FAM13A: variants seen among roughly 807,000 people sequenced by gnomAD.
The protein encoded by FAM13A is protein FAM13A.
In FAM13A, 76 loss-of-function variants were observed where a neutral mutation model predicts 129.6. The observed-to-expected ratio is 0.59, with a 90% CI of 0.49 to 0.71. FAM13A has a LOEUF of 0.71. FAM13A is among the 30% of genes least tolerant of loss of function. The probability of loss-of-function intolerance (pLI) is 0.00; values close to 1 mark genes in which losing one functional copy is unlikely to be tolerated. For synonymous variants in FAM13A, 443 were observed against 449.9 expected (o/e 0.98, Z 0.20); for missense variants, 1,108 against 1,249.3 (o/e 0.89, Z 1.70).
intron 8 of FAM13A, among the ~76,000 whole-genome samples, chr4:88,795,049 A>T (rs1725888921): frequency 6.6e-6 from 1 of 151,576 alleles, no homozygotes; most frequent in South Asian, 2.1e-4. Context: ...TTTTGTTTTA[A>T]CCTCTAGCTA....
intron 6 of FAM13A, among the ~76,000 whole-genome samples, chr4:88,859,462 G>A (rs1739116299): frequency 1.3e-5 from 2 of 152,154 alleles, no homozygotes; most frequent in Non-Finnish European, 2.9e-5. Context: ...GGTGGTGGAG[G>A]GATATGAGTG....
chr4:88,857,908 A>G (rs1738825708), intron 6 of FAM13A, among the ~76,000 whole-genome samples: 1 of 152,190 alleles, frequency 6.6e-6, no homozygotes, highest in Admixed American at 6.5e-5. Context: ...AAATAATAGC[A>G]TCTACTTTCT....
intron 1 of FAM13A, among the ~76,000 whole-genome samples, chr4:89,037,271 C>A (rs927188855): frequency 7.9e-5 from 12 of 152,224 alleles, no homozygotes; most frequent in Admixed American, 7.9e-4. Flanking sequence ...CCACACCTTG[C>A]ATCAGGGTGG....
chr4:89,010,731 A>T (rs1418240324), intron 3 of FAM13A, among the ~76,000 whole-genome samples: 2 of 152,118 alleles, frequency 1.3e-5, no homozygotes, highest in Non-Finnish European at 2.9e-5. Flanking sequence ...CTCTGCCATC[A>T]TGTGGTTCTG....
intron 4 of FAM13A, chr4:88,990,261 G>A (rs1762769406): frequency 1.3e-5 from 2 of 152,066 alleles, no homozygotes. Context: ...TAATGAAGTG[G>A]AGAAGTAGAT....
chr4:88,939,679 C>T (rs7682317), intron 4 of FAM13A, among the ~76,000 whole-genome samples: 67,906 of 151,944 alleles, frequency 0.45, 15,448 homozygotes, highest in African/African-American at 0.54. Context: ...GATAGGATGT[C>T]GCTCCCATGA....
intron 3 of FAM13A, among the ~76,000 whole-genome samples, chr4:88,995,982 C>T: frequency 6.6e-6 from 1 of 152,152 alleles, no homozygotes; most frequent in East Asian, 1.9e-4. Context: ...TTATTTCACT[C>T]AATATGGTCA....
At chr4:88,852,207 G>C (rs1463322274) in intron 6 of FAM13A, among the ~76,000 whole-genome samples, 1 of 149,604 alleles carries the variant, frequency 6.7e-6, no homozygotes, top group Non-Finnish European at 1.5e-5. Flanking sequence ...CACCCAGGCT[G>C]CTGTAGTGCA....
chr4:88,915,008 A>G (rs1322487230), intron 5 of FAM13A, among the ~76,000 whole-genome samples: 1 of 152,178 alleles, frequency 6.6e-6, no homozygotes, highest in African/African-American at 2.4e-5. Context: ...CAAACTCACA[A>G]CAGTTGATTT....
intron 23 of FAM13A, chr4:88,729,069 T>TGA (rs56678684): frequency 6.8e-6 from 1 of 146,002 alleles, no homozygotes; most frequent in African/African-American, 2.6e-5. Flanking sequence ...GTTTTTTTTT[T>TGA]TTTTTTTTTT....
chr4:88,973,493 T>C (rs1760434018), intron 4 of FAM13A, among the ~76,000 whole-genome samples: 2 of 152,208 alleles, frequency 1.3e-5, no homozygotes, highest in South Asian at 2.1e-4. Flanking sequence ...TTTCTAGCAT[T>C]GCTTTTGGTT....
chr4:88,754,505 T>C (rs1374691127), intron 14 of FAM13A, among the ~76,000 whole-genome samples: 3 of 152,182 alleles, frequency 2.0e-5, no homozygotes, highest in Non-Finnish European at 4.4e-5. Context: ...GGCCGATGTT[T>C]TCCACATTCC....
At chr4:88,830,692 C>T (rs1733753022) in intron 7 of FAM13A, among the ~76,000 whole-genome samples, 2 of 152,110 alleles carry the variant, frequency 1.3e-5, no homozygotes, top group Admixed American at 1.3e-4. Flanking sequence ...GCTTGCTGGA[C>T]TCCCAAATGG....
rs1230518991 is a variant in FAM13A, at chr4:89,056,997, G to A, written c.-33C>T. 1.9e-6 allele frequency: 3 copies of A among 1,608,116 alleles called. No individual in the cohort carries two copies. Among genetic ancestry groups the A allele is most frequent in the Admixed American group, 1.7e-5 (1 of 59,186 alleles). ...GAAAGCGTCTGGAAGAACTGAGGAAGACCAGACGAAAATATTAAAACGACA... is the reference window on the plus strand; with the variant it reads ...GAAAGCGTCTGGAAGAACTGAGGAAAACCAGACGAAAATATTAAAACGACA... On this transcript the variant is annotated 5_prime_UTR_variant, in exon 1 of 24. Transcript: ENST00000264344.
At chr4:88,908,508 A>C (rs1369906687) in intron 5 of FAM13A, among the ~76,000 whole-genome samples, 1 of 152,178 alleles carries the variant, frequency 6.6e-6, no homozygotes, top group Non-Finnish European at 1.5e-5. Context: ...TCCTTATGCA[A>C]AAAACAGAAG....
intron 5 of FAM13A, among the ~76,000 whole-genome samples, chr4:88,910,884 G>A (rs1164204000): frequency 2.6e-5 from 4 of 152,130 alleles, no homozygotes; most frequent in Non-Finnish European, 2.9e-5. Context: ...TCTTGACCTC[G>A]TGATCTGCCC....
chr4:88,820,755 T>C (rs561386548), intron 7 of FAM13A, among the ~76,000 whole-genome samples: 1 of 152,240 alleles, frequency 6.6e-6, no homozygotes, highest in African/African-American at 2.4e-5. Flanking sequence ...TTGGATGCAG[T>C]GAGTCTAGGG....
intron 4 of FAM13A, among the ~76,000 whole-genome samples, chr4:88,986,029 A>T (rs942259799): frequency 6.6e-6 from 1 of 152,202 alleles, no homozygotes; most frequent in Non-Finnish European, 1.5e-5. Flanking sequence ...TAAGCCAGAA[A>T]CTAATAAAAA....
chr4:89,024,864 G>T (rs1767722430), intron 2 of FAM13A, among the ~76,000 whole-genome samples: 1 of 106,854 alleles, frequency 9.4e-6, no homozygotes, highest in African/African-American at 3.9e-5. Flanking sequence ...GCCCAGTCAA[G>T]ATTCTGATTC....
Sources: allele counts gnomAD v4.1 joint callset (sites outside exome capture counted in the v4.1 genomes callset), GRCh38; gene constraint gnomAD v4.1.1; transcripts MANE v1.5; gene names NCBI Gene and HGNC (gene_info 2026-07-23, HGNC 2026-07-21).